TAOK2: variants seen among roughly 807,000 people sequenced by gnomAD.
The protein encoded by TAOK2 is serine/threonine-protein kinase TAO2.
TAOK2 carries 42 observed loss-of-function variants against 122.5 expected under a neutral mutation model. The ratio of observed to expected loss-of-function variants is 0.34; its 90% CI spans 0.27 to 0.44. The LOEUF is 0.44. TAOK2 is among the 20% of genes least tolerant of loss of function. The probability of loss-of-function intolerance (pLI) is 1.00; values close to 1 mark genes in which losing one functional copy is unlikely to be tolerated. For missense variants in TAOK2, 1,264 were observed against 1,644.9 expected, an observed-to-expected ratio of 0.77 and a Z score of 4.01; for synonymous variants, 704 against 677.6, an observed-to-expected ratio of 1.04 and a Z score of -0.61.
intron 13 of TAOK2, among the ~76,000 whole-genome samples, chr16:29,984,683 G>A (rs1305117668): frequency 2.0e-5 from 3 of 152,180 alleles, no homozygotes; most frequent in Non-Finnish European, 4.4e-5. Flanking sequence ...TCCAAGCCCA[G>A]TGTTCTTGTT....
Position 29,979,553 on chromosome 16 carries a change from C to T in TAOK2, c.655+45C>T. The T allele has an allele frequency of 7.1e-7, 1 of 1,414,872 alleles. No individual in the cohort carries two copies. The highest frequency in any genetic ancestry group is 9.4e-7 in the Non-Finnish European group (1 of 1,062,556). The allele number at this position is 1,414,872 out of a possible 1,614,324, so 87.6% of individuals were successfully genotyped here. A position where few individuals can be genotyped will look rare whatever the true frequency, so the allele number is the denominator to read the frequency against. On this transcript the variant is annotated intron_variant, in intron 8 of 15. Coordinates refer to ENST00000308893, the MANE Select transcript of TAOK2 (RefSeq NM_016151.4). The surrounding 1 kb of genome is among the most constrained non-coding windows in gnomAD (Gnocchi z 4.1). ...TCCCTCATCATCTTTTCCATTCTTTCCTGTTAGTTCCCAGACTCCGGACTA... is the reference window on the plus strand; with the variant it reads ...TCCCTCATCATCTTTTCCATTCTTTTCTGTTAGTTCCCAGACTCCGGACTA...
chr16:29,985,165 A>C lies in TAOK2; in HGVS notation c.1423-48A>C, dbSNP rs2069743878. 1 of 1,467,448 alleles carries C rather than the reference A, an allele frequency of 6.8e-7. No individual in the cohort carries two copies. Among genetic ancestry groups the C allele is most frequent in the Admixed American group, 2.5e-5 (1 of 40,238 alleles). 90.9% of individuals were successfully genotyped at this position (1,467,448 alleles called of 1,614,324 possible). A position where few individuals can be genotyped will look rare whatever the true frequency, so the allele number is the denominator to read the frequency against. On this transcript the variant is annotated intron_variant, in intron 13 of 15. Transcript: ENST00000308893. This position sits in a 1 kb window ranked among gnomAD's most constrained non-coding sequence, Gnocchi z 6.9. ...CACGGAAGACCCCTTGTGTTAATTA[A>C]CTAGGGGCCAGGCTGAGCCCCAGCT...
chr16:29,983,788 TG>T, intron 13 of TAOK2, 124 bp downstream of exon 13: 1 of 1,407,762 alleles, frequency 7.1e-7, no homozygotes, highest in Admixed American at 2.0e-5. Context: ...TTTCTGTTGC[TG>T]GCTCCTGCCT....
chr16:29,990,019 A>G (rs1041578755), downstream of TAOK2: 41 of 556,758 alleles, frequency 7.4e-5, no homozygotes, highest in Non-Finnish European at 1.2e-4. Context: ...AGGTCTTGAC[A>G]AAGCCATGTG....
rs920455799 is a variant in TAOK2, at chr16:29,983,800, G to C, written c.1422+136G>C. The C allele has an allele frequency of 3.6e-6, 5 of 1,373,436 alleles. No individual in the cohort carries two copies. The African/African-American group carries it at 5.8e-5, about 16-fold the overall frequency. The allele number at this position is 1,373,436 out of a possible 1,614,324, so 85.1% of individuals were successfully genotyped here. ...CATTTTCTGTTGCTGGCTCCTGCCT[G>C]CTCCCCTTAACCCTCCTGCTTCCCT... On this transcript the variant is annotated intron_variant, in intron 13 of 15. Coordinates refer to ENST00000308893, the MANE Select transcript of TAOK2 (RefSeq NM_016151.4).
Position 29,985,813 on chromosome 16 carries a change from C to T in TAOK2, c.1944C>T (p.Arg648=), listed in dbSNP as rs1383360106. ...AGCTGCAGTGTCGCCAGTACAAGCGCAAGATGTTGCTGGCTCGGCACAGCC... is the reference window on the plus strand; with the variant it reads ...AGCTGCAGTGTCGCCAGTACAAGCGTAAGATGTTGCTGGCTCGGCACAGCC... The part of the protein sequence containing the change: ...YFELQCRQYK[R]KMLLARHSLD... Residue 648 remains arginine, a synonymous_variant, in exon 15 of 16, where the codon CGC becomes CGT. Coordinates refer to ENST00000308893, the MANE Select transcript of TAOK2 (RefSeq NM_016151.4). The surrounding 1 kb of genome is among the most constrained non-coding windows in gnomAD (Gnocchi z 6.9). The T allele has an allele frequency of 1.9e-6, 3 of 1,611,808 alleles. No individual in the cohort carries two copies. Among genetic ancestry groups the T allele is most frequent in the East Asian group, 2.2e-5 (1 of 44,886 alleles).
intron 1 of TAOK2, among the ~76,000 whole-genome samples, chr16:29,974,968 C>G (rs2069408737): frequency 6.6e-6 from 1 of 152,166 alleles, no homozygotes; most frequent in Non-Finnish European, 1.5e-5. Context: ...ACAGCCACCT[C>G]TCCTCCCTGA....
downstream of TAOK2, chr16:29,989,112 C>T: frequency 1.0e-6 from 1 of 985,366 alleles, no homozygotes; most frequent in South Asian, 4.7e-5. Context: ...GTGTTGCTTT[C>T]TTCATGGGTG....
chr16:29,977,984 T>A, intron 2 of TAOK2, 80 bp downstream of exon 2: 1 of 1,612,100 alleles, frequency 6.2e-7, no homozygotes, highest in African/African-American at 1.3e-5. Context: ...CCTTGCACAC[T>A]ACTCCATCAC....
Position 29,986,154 on chromosome 16 carries a change from C to T in TAOK2, c.1993-111C>T. ...CTCACTTCCTTGATACTGACCAGGC[C>T]CTGGGCCCTGTGTTTCTTCCGCCAT... On this transcript the variant is annotated intron_variant, in intron 15 of 15. Coordinates refer to ENST00000308893, the MANE Select transcript of TAOK2 (RefSeq NM_016151.4). The surrounding 1 kb of genome is among the most constrained non-coding windows in gnomAD (Gnocchi z 4.2). 2.1e-6 allele frequency: 3 copies of T among 1,456,396 alleles called. No homozygotes were observed. The East Asian group carries it at 7.0e-5, about 34-fold the overall frequency. The allele number at this position is 1,456,396 out of a possible 1,614,324, so 90.2% of individuals were successfully genotyped here.
In TAOK2 at chr16:29,988,175, C is replaced by T; in HGVS notation, c.*195C>T. 1 of 1,432,840 alleles carries T rather than the reference C, an allele frequency of 7.0e-7. No homozygotes were observed. The highest frequency in any genetic ancestry group is 9.1e-7 in the Non-Finnish European group (1 of 1,098,972). The allele number at this position is 1,432,840 out of a possible 1,614,324, so 88.8% of individuals were successfully genotyped here. ...TGGAGTCCAGCAGTCACTCTGTGTT[C>T]TCCTGGCGCTCCTCCCCTAAGTTAT... is the stretch of plus-strand genomic sequence containing the variant. On this transcript the variant is annotated 3_prime_UTR_variant, in exon 16 of 16. Coordinates refer to ENST00000308893, the MANE Select transcript of TAOK2 (RefSeq NM_016151.4).
At chr16:29,991,390 C>A, downstream of TAOK2, 5 of 1,569,794 alleles carry the variant, frequency 3.2e-6, no homozygotes, top group Non-Finnish European at 3.5e-6. This position sits in a 1 kb window ranked among gnomAD's most constrained non-coding sequence, Gnocchi z 5.6. Flanking sequence ...AGTGGGACAC[C>A]CCGTGGCGGA....
chr16:29,982,837 TGAA>T lies in TAOK2; in HGVS notation c.941_943del (p.Lys314del). The stretch of plus-strand genomic sequence containing the variant: ...CTGGACAACCTGCAGTACCGCAAGA[TGAA>T]GAAGATCCTGTTCCAAGAGGCACCC... On this transcript the variant is annotated inframe_deletion, in exon 11 of 16. Coordinates refer to ENST00000308893, the MANE Select transcript of TAOK2 (RefSeq NM_016151.4). 2 of 1,613,986 alleles carry T rather than the reference TGAA, an allele frequency of 1.2e-6. No homozygotes were observed. The highest frequency in any genetic ancestry group is 1.7e-6 in the Non-Finnish European group (2 of 1,179,964).
intron 11 of TAOK2, 48 bp downstream of exon 11, chr16:29,982,949 GC>G (rs1008969200): frequency 1.2e-6 from 2 of 1,606,966 alleles, no homozygotes; most frequent in Non-Finnish European, 1.7e-6. Flanking sequence ...ATGTGTGCCT[GC>G]CCCCTGCAGT....
Position 29,985,891 on chromosome 16 carries a change from G to C in TAOK2, c.1992+30G>C, listed in dbSNP as rs371152014. ...GCATCCCAATCTCTGTTCCCCTCCC[G>C]CTCACTCGTGGATCCCAGGGACCCA... On this transcript the variant is annotated intron_variant, in intron 15 of 15. Transcript: ENST00000308893. This position sits in a 1 kb window ranked among gnomAD's most constrained non-coding sequence, Gnocchi z 6.9. 6 of 1,600,796 alleles carry C rather than the reference G, an allele frequency of 3.7e-6. No homozygotes were observed. In the South Asian group the frequency reaches 6.7e-5, roughly 18 times the overall value.
chr16:29,985,107 G>T lies in TAOK2; in HGVS notation c.1423-106G>T. On this transcript the variant is annotated intron_variant, in intron 13 of 15. Transcript: ENST00000308893. The surrounding 1 kb of genome is among the most constrained non-coding windows in gnomAD (Gnocchi z 6.9). ...TGTGAGGAAGGTGTTAAATGAGAAT[G>T]AAACCCATGAGTTGAAAACCCATGC... 2 of 1,365,892 alleles carry T rather than the reference G, an allele frequency of 1.5e-6. No homozygotes were observed. Among genetic ancestry groups the T allele is most frequent in the East Asian group, 5.0e-5 (2 of 39,862 alleles). 84.6% of individuals were successfully genotyped at this position (1,365,892 alleles called of 1,614,324 possible). A position where few individuals can be genotyped will look rare whatever the true frequency, so the allele number is the denominator to read the frequency against.
At position 29,986,686 on chromosome 16, in the gene TAOK2, A is replaced by T. The variant is rs1426792374; in HGVS notation, c.2414A>T (p.Glu805Val). 2.5e-6 allele frequency: 4 copies of T among 1,613,586 alleles called. No individual in the cohort carries two copies. The Admixed American group carries it at 6.7e-5, about 27-fold the overall frequency. The change falls in exon 16 of 16, where the codon GAA (glutamate) becomes GTA (valine). Residue 805 changes from glutamate (E) to valine (V), a missense_variant. Transcript: ENST00000308893. The surrounding 1 kb of genome is among the most constrained non-coding windows in gnomAD (Gnocchi z 4.2). ...AVGERRILGK[E>V]GATLEPKQQR... Reference sequence around the variant, plus strand: ...GGAGAGAGAAGGATTCTGGGAAAGGAAGGGGCCACTTTGGAGCCCAAGCAG... The same window carrying T: ...GGAGAGAGAAGGATTCTGGGAAAGGTAGGGGCCACTTTGGAGCCCAAGCAG...
In TAOK2 at chr16:29,987,971, C is replaced by T. The variant is rs926506836; in HGVS notation, c.3699C>T (p.Pro1233=). The change falls in exon 16 of 16, where the codon CCC becomes CCT. Residue 1233 remains proline, a synonymous_variant. Transcript: ENST00000308893. The stretch of plus-strand genomic sequence containing the variant: ...CCCGCCAGTCCCGGGCCCTGCCCCC[C>T]TGGAGGTAGCTGACTCCAGCCCTTC... ...SRTRQSRALP[P]WR is the part of the protein sequence containing the mutation. The T allele has an allele frequency of 2.6e-6, 4 of 1,528,112 alleles. No homozygotes were observed. The highest frequency in any genetic ancestry group is 2.7e-5 in the African/African-American group (2 of 73,156). 94.7% of individuals were successfully genotyped at this position (1,528,112 alleles called of 1,614,324 possible). A position where few individuals can be genotyped will look rare whatever the true frequency, so the allele number is the denominator to read the frequency against.
chr16:29,989,031 G>C, downstream of TAOK2: 1 of 985,354 alleles, frequency 1.0e-6, no homozygotes, highest in Non-Finnish European at 1.2e-6. Flanking sequence ...TCTCAGCTCG[G>C]TGCTTCTCCT....
Sources: allele counts gnomAD v4.1 joint callset (sites outside exome capture counted in the v4.1 genomes callset), GRCh38; gene constraint gnomAD v4.1.1; non-coding constraint Gnocchi (gnomAD v3.1); transcripts MANE v1.5; gene names NCBI Gene and HGNC (gene_info 2026-07-23, HGNC 2026-07-21).